The following CTDSP1 variants were observed in gnomAD, a reference collection of about 807,000 sequenced individuals.
CTDSP1 encodes the protein CTD small phosphatase 1, also known as carboxy-terminal domain RNA polymerase II polypeptide A small phosphatase 1.
A neutral mutation model predicts 32.5 loss-of-function variants in CTDSP1; 15 were observed. The ratio of observed to expected loss-of-function variants is 0.46; its 90% confidence interval spans 0.31 to 0.71. The LOEUF is 0.71. CTDSP1 is among the 30% of genes least tolerant of loss of function. The pLI is 0.05. For missense variants in CTDSP1, 294 were observed against 351.1 expected, an observed-to-expected ratio of 0.84 and a Z score of 1.30; for synonymous variants, 185 against 145.4, an observed-to-expected ratio of 1.27 and a Z score of -1.96.
At chr2:218,398,353 C>A, upstream of CTDSP1, 1 of 1,456,298 alleles carries the variant, frequency 6.9e-7, no homozygotes, top group Non-Finnish European at 9.3e-7. Flanking sequence ...TTAGGGGGCG[C>A]AGCCAGAGCA....
rs1376400326 is a variant in CTDSP1 at position 218,405,759 on chromosome 2, G to A, written c.*1334G>A. On this transcript the variant is annotated 3_prime_UTR_variant, in exon 7 of 7. Transcript: ENST00000273062. ...TCTCCCCAGGGTCTAACGGTTAAGG[G>A]GACCCACATACCAGTGCCAAGGGGG... 1.3e-5 allele frequency: 2 copies of A among 152,950 alleles called. No homozygotes were observed. Among genetic ancestry groups the A allele is most frequent in the Middle Eastern group, 3.4e-3 (1 of 294 alleles). 9.5% of individuals were successfully genotyped at this position (152,950 alleles called of 1,614,324 possible).
chr2:218,400,111 T>C lies in CTDSP1; in HGVS notation c.21T>C (p.Ile7=). 3 of 1,542,366 alleles carry C rather than the reference T, an allele frequency of 1.9e-6. No homozygotes were observed. Among genetic ancestry groups the C allele is most frequent in the Non-Finnish European group, 2.6e-6 (3 of 1,144,002 alleles). The change falls in exon 1 of 7, where the codon ATT becomes ATC. Residue 7 remains isoleucine (I), a synonymous_variant. Coordinates refer to ENST00000273062, the MANE Select transcript of CTDSP1 (RefSeq NM_021198.3). The part of the protein sequence containing the change: MDSSAV[I]TQISKEEARG... ...GCCCCATGGACAGCTCGGCCGTCAT[T>C]ACTCAGATCAGCAAGGAGGAGGCTC...
upstream of CTDSP1, chr2:218,399,680 C>T: frequency 3.2e-6 from 3 of 944,684 alleles, no homozygotes; most frequent in South Asian, 4.9e-5. Flanking sequence ...GACTCAGCCC[C>T]GCCGGCGGGC....
intron 1 of CTDSP1, chr2:218,401,131 C>T: frequency 5.4e-6 from 2 of 367,282 alleles, no homozygotes; most frequent in Non-Finnish European, 1.1e-5. Flanking sequence ...GACTTCGTAC[C>T]CACGGGGGTG....
chr2:218,400,395 C>A, intron 1 of CTDSP1: 1 of 615,298 alleles, frequency 1.6e-6, no homozygotes, highest in South Asian at 1.7e-5. Context: ...GAAACTGAGG[C>A]AGGAATAGAG....
intron 3 of CTDSP1, 35 bp downstream of exon 3, chr2:218,402,250 C>CG (rs756810983): frequency 1.2e-5 from 20 of 1,610,230 alleles, no homozygotes; most frequent in Admixed American, 1.7e-5. Flanking sequence ...GCCCGGGTCT[C>CG]GGGGGGCATC....
upstream of CTDSP1, chr2:218,398,189 G>C: frequency 1.8e-6 from 1 of 548,322 alleles, no homozygotes; most frequent in Non-Finnish European, 3.3e-6. Context: ...CCAGGGGGCC[G>C]GACCGCAGGG....
upstream of CTDSP1, chr2:218,398,793 G>A: frequency 4.8e-6 from 1 of 206,744 alleles, no homozygotes; most frequent in Non-Finnish European, 9.7e-6. Flanking sequence ...AAATAGTAAC[G>A]ACGAGTGAAA....
At chr2:218,399,756 G>T, upstream of CTDSP1, 3 of 1,032,232 alleles carry the variant, frequency 2.9e-6, no homozygotes, top group Non-Finnish European at 3.5e-6. Context: ...CTCCCAGTCC[G>T]CCTAGCCGCG....
chr2:218,402,493 A>T (rs760143675), intron 4 of CTDSP1, 88 bp downstream of exon 4: 1 of 1,305,448 alleles, frequency 7.7e-7, no homozygotes, highest in Non-Finnish European at 1.1e-6. Context: ...CTCGGATGGG[A>T]ATTGGATACA....
chr2:218,397,289 C>T (rs185320528), upstream of CTDSP1, among the ~76,000 whole-genome samples: 6 of 152,298 alleles, frequency 3.9e-5, no homozygotes, highest in East Asian at 9.6e-4. Context: ...CTTAGAGCTG[C>T]CCCCATTCCC....
chr2:218,403,490 T>C, intron 6 of CTDSP1, 73 bp downstream of exon 6: 1 of 1,399,560 alleles, frequency 7.1e-7, no homozygotes. Flanking sequence ...CAGGCCACCT[T>C]GGCCTCTTGG....
chr2:218,398,350 G>C (rs1170001167), upstream of CTDSP1: 1 of 1,436,764 alleles, frequency 7.0e-7, no homozygotes, highest in African/African-American at 1.4e-5. Flanking sequence ...AGATTAGGGG[G>C]CGCAGCCAGA....
rs1697140349 is a variant in CTDSP1, at chr2:218,401,559, T to G, written c.68-5T>G. On this transcript the variant is annotated splice_region_variant and splice_polypyrimidine_tract_variant and intron_variant, in intron 1 of 6. Transcript: ENST00000273062. ...GAGCCTCCAACTTGTGCCTCCCTAC[T>G]TCAGGTGACCAGAAGTCAGCAGCTT... 1 of 1,613,664 alleles carries G rather than the reference T, an allele frequency of 6.2e-7. No homozygotes were observed. Among genetic ancestry groups the G allele is most frequent in the African/African-American group, 1.3e-5 (1 of 74,932 alleles).
At chr2:218,400,297 G>A (rs1254117135) in intron 1 of CTDSP1, 140 bp downstream of exon 1, 5 of 810,790 alleles carry the variant, frequency 6.2e-6, no homozygotes, top group South Asian at 4.5e-5. Flanking sequence ...CCGAGAGGGA[G>A]CAGGGAGAGA....
At position 218,399,992 on chromosome 2, in the gene CTDSP1, A is replaced by ACCCCT. The variant is rs1436595801; in HGVS notation, c.-89_-85dup. On this transcript the variant is annotated 5_prime_UTR_variant, in exon 1 of 7. Coordinates refer to ENST00000273062, the MANE Select transcript of CTDSP1 (RefSeq NM_021198.3). ...GAGCTCGCGGGGATCCCTCCCTCCC[A>ACCCCT]CCCCTCCCCTCCCCCCCGCGCCCCG... is the stretch of plus-strand genomic sequence containing the variant. The ACCCCT allele has an allele frequency of 1.0e-5, 2 of 194,186 alleles. No homozygotes were observed. The highest frequency in any genetic ancestry group is 6.6e-6 in the Non-Finnish European group (1 of 152,186). The allele number at this position is 194,186 out of a possible 1,614,324, so 12.0% of individuals were successfully genotyped here. A position where few individuals can be genotyped will look rare whatever the true frequency, so the allele number is the denominator to read the frequency against.
Position 218,400,012 on chromosome 2 carries a change from G to T in CTDSP1, c.-79G>T. The T allele has an allele frequency of 2.0e-6, 1 of 502,600 alleles. No homozygotes were observed. 31.1% of individuals were successfully genotyped at this position (502,600 alleles called of 1,614,324 possible). The stretch of plus-strand genomic sequence containing the variant: ...CTCCCACCCCTCCCCTCCCCCCCGC[G>T]CCCCGATTCCGGCCCCAGCCGGGGG... On this transcript the variant is annotated 5_prime_UTR_variant, in exon 1 of 7. Coordinates refer to ENST00000273062, the MANE Select transcript of CTDSP1 (RefSeq NM_021198.3).
chr2:218,402,922 G>GGCCCAGTCTCCTTCCTGTGC, intron 4 of CTDSP1, 113 bp from the exon 5 acceptor site: 1 of 771,828 alleles, frequency 1.3e-6, no homozygotes, highest in South Asian at 1.5e-5. Context: ...GGAGCCTGCG[G>GGCCCAGTCTCCTTCCTGTGC]GCCCAGTCTC....
rs1697307040 is a variant in CTDSP1 at position 218,404,341 on chromosome 2, C to T, written c.702C>T (p.Leu234=). 2 of 1,614,230 alleles carry T rather than the reference C, an allele frequency of 1.2e-6. No homozygotes were observed. The highest frequency in any genetic ancestry group is 2.7e-5 in the African/African-American group (2 of 75,062). ...TTGACAACATGAGTGACACAGAGCT[C>T]CACGACCTCCTCCCCTTCTTCGAGC... The part of the protein sequence containing the change: ...SWFDNMSDTE[L]HDLLPFFEQL... The change falls in exon 7 of 7, where the codon CTC becomes CTT. Residue 234 remains leucine (L), a synonymous_variant. Coordinates refer to ENST00000273062, the MANE Select transcript of CTDSP1 (RefSeq NM_021198.3).
Sources: gnomAD v4.1 joint callset for allele counts (sites outside exome capture counted in the v4.1 genomes callset) on GRCh38, gnomAD v4.1.1 for gene constraint, MANE v1.5 for transcripts, NCBI Gene and HGNC (gene_info 2026-07-23, HGNC 2026-07-21) for gene names.